PLG: variants seen among roughly 807,000 people sequenced by gnomAD.
PLG encodes plasmin.
Under a neutral mutation model 104.4 loss-of-function variants are expected in PLG, and 41 were observed. The observed-to-expected ratio is 0.39, with a 90% CI of 0.31 to 0.51. PLG has a LOEUF of 0.51. PLG is among the 20% of genes least tolerant of loss of function. The pLI, the probability that PLG is intolerant of heterozygous loss-of-function variation, is 0.76. For synonymous variants in PLG, 337 were observed against 357.1 expected (o/e 0.94, Z 0.63); for missense variants, 891 against 1,003.6 (o/e 0.89, Z 1.52).
chr6:160,743,627 T>C (rs1206700688), intron 17 of PLG, among the ~76,000 whole-genome samples: 4 of 152,206 alleles, frequency 2.6e-5, no homozygotes, highest in Non-Finnish European at 1.5e-5. Flanking sequence ...TGATTTCCTC[T>C]CTTCCTATCT....
intron 17 of PLG, among the ~76,000 whole-genome samples, chr6:160,747,645 A>C (rs151302489): frequency 1.4e-4 from 22 of 152,212 alleles, no homozygotes; most frequent in Non-Finnish European, 2.1e-4. Context: ...TCTTGGTTTA[A>C]TCAAACATTT....
chr6:160,710,090 A>G (rs1223971355), intron 3 of PLG, among the ~76,000 whole-genome samples: 1 of 152,184 alleles, frequency 6.6e-6, no homozygotes, highest in Non-Finnish European at 1.5e-5. Context: ...AGTGGACCAT[A>G]TCTCGACATT....
rs892655641 is a variant in PLG, at chr6:160,753,992, C to A, written c.*931C>A. On this transcript the variant is annotated 3_prime_UTR_variant, in exon 19 of 19. Transcript: ENST00000308192. This position sits in a 1 kb window ranked among gnomAD's most constrained non-coding sequence, Gnocchi z 5.4. ...ACAGTCATCTTACAGCAGAGAAATG[C>A]AGAGAAAAGCAAAACTGCAAGTGAC... is the stretch of plus-strand genomic sequence containing the variant. Among the ~76,000 whole-genome samples the A allele has an allele frequency of 1.3e-5, 2 of 152,154 alleles. No homozygotes were observed. The highest frequency in any genetic ancestry group is 3.9e-4 in the East Asian group (2 of 5,192).
intron 4 of PLG, 182 bp downstream of exon 4, chr6:160,711,373 T>A (rs892594085): frequency 1.4e-6 from 1 of 695,706 alleles, no homozygotes; most frequent in African/African-American, 1.8e-5. Flanking sequence ...CCTAATATAA[T>A]GTAAATGCTA....
intron 5 of PLG, among the ~76,000 whole-genome samples, chr6:160,714,435 T>G (rs573344632): frequency 2.6e-4 from 39 of 152,060 alleles, no homozygotes; most frequent in Admixed American, 2.4e-3. Flanking sequence ...TGAAAACTCC[T>G]AATGGAGAAC....
At chr6:160,716,151 G>C (rs1380568147) in intron 6 of PLG, among the ~76,000 whole-genome samples, 1 of 152,236 alleles carries the variant, frequency 6.6e-6, no homozygotes, top group Non-Finnish European at 1.5e-5. Flanking sequence ...TACTAGATGA[G>C]TATCTTTAGG....
chr6:160,710,312 A>T (rs1777616525), intron 3 of PLG, among the ~76,000 whole-genome samples: 1 of 152,180 alleles, frequency 6.6e-6, no homozygotes, highest in Admixed American at 6.5e-5. Flanking sequence ...AGTTTAGATC[A>T]TCTTTAATTA....
intron 5 of PLG, 53 bp from the exon 6 acceptor site, chr6:160,714,741 C>T: frequency 6.3e-7 from 1 of 1,596,410 alleles, no homozygotes; most frequent in Non-Finnish European, 8.6e-7. Context: ...TATTTTGCTT[C>T]ATCCATTTCA....
chr6:160,732,078 A>G lies in PLG; in HGVS notation c.1587+185A>G, dbSNP rs1208403073. ...GAATATAATTGGCCTTAGTATGGAA[A>G]GTACAAGCAGCACAGGCCAGGAAAC... On this transcript the variant is annotated intron_variant, in intron 12 of 18. Transcript: ENST00000308192. This position sits in a 1 kb window ranked among gnomAD's most constrained non-coding sequence, Gnocchi z 4.5. Among the ~76,000 whole-genome samples the G allele has an allele frequency of 6.6e-6, 1 of 152,192 alleles. No individual in the cohort carries two copies. Among genetic ancestry groups the G allele is most frequent in the East Asian group, 1.9e-4 (1 of 5,192 alleles).
rs920897244 is a variant in PLG at position 160,734,775 on chromosome 6, T to C, written c.1681+687T>C. On this transcript the variant is annotated intron_variant, in intron 13 of 18. Transcript: ENST00000308192. The surrounding 1 kb of genome is among the most constrained non-coding windows in gnomAD (Gnocchi z 4.4). ...AAAAAAAAAAAAAAAGAAAGGAAGC[T>C]ACTTGGAATTGTCCCATATTTAACA... 5.3e-5 allele frequency among the ~76,000 whole-genome samples: 8 copies of C among 150,040 alleles called. No individual in the cohort carries two copies. Among genetic ancestry groups the C allele is most frequent in the Non-Finnish European group, 8.9e-5 (6 of 67,556 alleles).
At chr6:160,733,961 G>C in intron 12 of PLG, 34 bp from the exon 13 acceptor site, 1 of 1,172,500 alleles carries the variant, frequency 8.5e-7, no homozygotes, top group Non-Finnish European at 1.3e-6. Context: ...CCTGCCCCAC[G>C]TGAGCTGGAG....
Position 160,718,376 on chromosome 6 carries a change from C to T in PLG, c.870C>T (p.Thr290=), listed in dbSNP as rs763256179. The change falls in exon 8 of 19, where the codon ACC becomes ACT. Residue 290 remains threonine, a synonymous_variant. Transcript: ENST00000308192. ...GENYRGNVAV[T]VSGHTCQHWS... ...ACTATCGCGGGAATGTGGCTGTTAC[C>T]GTGTCCGGGCACACCTGTCAGCACT... 3.4e-5 allele frequency: 55 copies of T among 1,613,424 alleles called. No homozygotes were observed. Among genetic ancestry groups the T allele is most frequent in the Non-Finnish European group, 4.7e-5 (55 of 1,179,362 alleles).
rs1026403864 is a variant in PLG, at chr6:160,744,793, G to A, written c.2125+3376G>A. On this transcript the variant is annotated intron_variant, in intron 17 of 18. Coordinates refer to ENST00000308192, the MANE Select transcript of PLG (RefSeq NM_000301.5). The surrounding 1 kb of genome is among the most constrained non-coding windows in gnomAD (Gnocchi z 4.5). Reference sequence around the variant, plus strand: ...TCTTTCTTCTTGATGCTAGCATTTGGTGCTATGAATTTCTCTCTTAACACT... The same window carrying A: ...TCTTTCTTCTTGATGCTAGCATTTGATGCTATGAATTTCTCTCTTAACACT... 1.3e-5 allele frequency among the ~76,000 whole-genome samples: 2 copies of A among 152,032 alleles called. No homozygotes were observed. Among genetic ancestry groups the A allele is most frequent in the African/African-American group, 2.4e-5 (1 of 41,398 alleles).
rs1273855720 is a variant in PLG, at chr6:160,715,477, G to A, written c.668+563G>A. On this transcript the variant is annotated intron_variant, in intron 6 of 18. Transcript: ENST00000308192. ...CGTAACTTCCATCAGATTCTCTAAG[G>A]GGACCACGAATTTAAAATAAGAATA... is the stretch of plus-strand genomic sequence containing the variant. Among the ~76,000 whole-genome samples the A allele has an allele frequency of 2.6e-5, 4 of 152,208 alleles. No homozygotes were observed. The East Asian group carries it at 7.7e-4, about 29-fold the overall frequency.
At chr6:160,727,315 C>A (rs1234080293) in intron 10 of PLG, among the ~76,000 whole-genome samples, 2 of 150,350 alleles carry the variant, frequency 1.3e-5, no homozygotes, top group Non-Finnish European at 3.0e-5. Flanking sequence ...ATTAATAAAT[C>A]AATAAACTTC....
At chr6:160,745,333 G>T (rs1778260684) in intron 17 of PLG, among the ~76,000 whole-genome samples, 1 of 152,210 alleles carries the variant, frequency 6.6e-6, no homozygotes, top group Non-Finnish European at 1.5e-5. Context: ...GGGTGCTCTT[G>T]TGTTGGGTTC....
Position 160,736,784 on chromosome 6 carries a change from C to T in PLG, c.1682-103C>T. 1 of 1,443,788 alleles carries T rather than the reference C, an allele frequency of 6.9e-7. No homozygotes were observed. Among genetic ancestry groups the T allele is most frequent in the African/African-American group, 1.4e-5 (1 of 71,618 alleles). 89.4% of individuals were successfully genotyped at this position (1,443,788 alleles called of 1,614,324 possible). On this transcript the variant is annotated intron_variant, in intron 13 of 18. Coordinates refer to ENST00000308192, the MANE Select transcript of PLG (RefSeq NM_000301.5). The surrounding 1 kb of genome is among the most constrained non-coding windows in gnomAD (Gnocchi z 5.2). Reference sequence around the variant, plus strand: ...ATGATGATTTTACTATTTAGTTCGGCCTTTAAGATGTCAAAAACTCAGTGC... The same window carrying T: ...ATGATGATTTTACTATTTAGTTCGGTCTTTAAGATGTCAAAAACTCAGTGC...
At chr6:160,717,571 C>G (rs558039039) in intron 7 of PLG, among the ~76,000 whole-genome samples, 158 of 152,196 alleles carry the variant, frequency 1.0e-3, no homozygotes, top group Non-Finnish European at 1.8e-3. Flanking sequence ...TCCATGGACT[C>G]TTTCCCTGTT....
intron 2 of PLG, among the ~76,000 whole-genome samples, chr6:160,707,484 G>A (rs1208940536): frequency 1.3e-5 from 2 of 151,904 alleles, no homozygotes; most frequent in Non-Finnish European, 2.9e-5. Flanking sequence ...TTATGAGGGA[G>A]GGAAGGTAAG....
Sources: allele counts gnomAD v4.1 joint callset (sites outside exome capture counted in the v4.1 genomes callset), GRCh38; gene constraint gnomAD v4.1.1; non-coding constraint Gnocchi (gnomAD v3.1); transcripts MANE v1.5; gene names NCBI Gene and HGNC (gene_info 2026-07-23, HGNC 2026-07-21).